IQCH: variants seen among roughly 807,000 people sequenced by gnomAD.
The protein encoded by IQCH is IQ motif containing H.
A neutral mutation model predicts 117.0 loss-of-function variants in IQCH; 98 were observed. The observed-to-expected ratio is 0.84, with a 90% CI of 0.71 to 0.99. The LOEUF is 0.99. IQCH is among the 50% of genes least tolerant of loss of function. The pLI, the probability that IQCH is intolerant of heterozygous loss-of-function variation, is 0.00. For synonymous variants in IQCH, 412 were observed against 448.2 expected (o/e 0.92, Z 1.02); for missense variants, 1,102 against 1,243.8 (o/e 0.89, Z 1.72).
At chr15:67,389,152 T>C in intron 12 of IQCH, 146 bp downstream of exon 12, 1 of 649,898 alleles carries the variant, frequency 1.5e-6, no homozygotes, top group East Asian at 2.7e-5. Context: ...AGTTGGTCTG[T>C]AGGAAATAAA....
At chr15:67,389,562 A>G (rs1971218084) in intron 12 of IQCH, among the ~76,000 whole-genome samples, 1 of 152,246 alleles carries the variant, frequency 6.6e-6, no homozygotes, top group Admixed American at 6.5e-5. Context: ...AACCATTGGG[A>G]AATTCATGGA....
intron 17 of IQCH, among the ~76,000 whole-genome samples, chr15:67,470,396 T>G (rs2083042895): frequency 6.6e-6 from 1 of 152,188 alleles, no homozygotes; most frequent in African/African-American, 2.4e-5. Flanking sequence ...ACCAGGATGG[T>G]CTCGATCTCC....
rs570011488 is a variant in IQCH at position 67,341,656 on chromosome 15, A to T, written c.509-2407A>T. Among the ~76,000 whole-genome samples the T allele has an allele frequency of 1.2e-4, 19 of 152,292 alleles. No homozygotes were observed. The East Asian group carries it at 2.7e-3, about 22-fold the overall frequency. ...AAAATGTTAAAGGATGATTTTTTTT[A>T]AAAGTAAAGTTATGACTCTTATATA... is the stretch of plus-strand genomic sequence containing the variant. On this transcript the variant is annotated intron_variant, in intron 5 of 20. Coordinates refer to ENST00000335894, the MANE Select transcript of IQCH (RefSeq NM_001031715.3).
At chr15:67,492,798 C>T (rs540614060) in intron 19 of IQCH, among the ~76,000 whole-genome samples, 23 of 152,186 alleles carry the variant, frequency 1.5e-4, no homozygotes, top group South Asian at 8.3e-4. Flanking sequence ...GGTGGGTACT[C>T]GGGCATAGAG....
intron 4 of IQCH, among the ~76,000 whole-genome samples, chr15:67,318,814 C>T (rs749475132): frequency 1.3e-5 from 2 of 152,240 alleles, no homozygotes; most frequent in South Asian, 2.1e-4. Context: ...ATGAATGGTG[C>T]CAAGTCACTT....
rs532880426 is a variant in IQCH, at chr15:67,416,969, C to T, written c.2136C>T (p.Gly712=). Residue 712 remains glycine, a synonymous_variant, in exon 15 of 21, where the codon GGC becomes GGT. Coordinates refer to ENST00000335894, the MANE Select transcript of IQCH (RefSeq NM_001031715.3). This position sits in a 1 kb window ranked among gnomAD's most constrained non-coding sequence, Gnocchi z 5.1. ...ALVKISEELA[G]ILAQHAQPVN... ...TGAAGATCTCTGAGGAGCTGGCGGG[C>T]ATTTTAGCACAGCACGCACAGCCAG... The T allele has an allele frequency of 2.6e-5, 41 of 1,605,608 alleles. No homozygotes were observed. In the South Asian group the frequency reaches 4.5e-4, roughly 18 times the overall value.
intron 16 of IQCH, among the ~76,000 whole-genome samples, chr15:67,446,907 C>T (rs895534927): frequency 2.0e-5 from 3 of 152,172 alleles, no homozygotes; most frequent in African/African-American, 7.2e-5. Flanking sequence ...ACAAGCCTTC[C>T]CTGGCTTCAC....
intron 17 of IQCH, among the ~76,000 whole-genome samples, chr15:67,471,172 T>C (rs1396451486): frequency 6.6e-6 from 1 of 152,220 alleles, no homozygotes; most frequent in African/African-American, 2.4e-5. Context: ...AATAACTTTG[T>C]GTATATATCA....
At chr15:67,434,785 C>CTTTTTTTTTT (rs775675138) in intron 16 of IQCH, among the ~76,000 whole-genome samples, 5 of 126,844 alleles carry the variant, frequency 3.9e-5, no homozygotes, top group Non-Finnish European at 6.5e-5. Flanking sequence ...CTTTTCTTTT[C>CTTTTTTTTTT]TTTTTTTTTT....
intron 4 of IQCH, among the ~76,000 whole-genome samples, chr15:67,280,521 T>A (rs1321969130): frequency 1.3e-5 from 2 of 152,232 alleles, no homozygotes; most frequent in African/African-American, 4.8e-5. Flanking sequence ...TTTCTTCACA[T>A]GGCAGAGAGA....
intron 8 of IQCH, among the ~76,000 whole-genome samples, chr15:67,361,376 G>A (rs939010554): frequency 9.9e-5 from 15 of 152,118 alleles, no homozygotes; most frequent in Admixed American, 3.3e-4. Flanking sequence ...TGTGCAATAG[G>A]CACTATTATC....
At position 67,384,254 on chromosome 15, in the gene IQCH, A is replaced by T. The variant is rs1317632742; in HGVS notation, c.1373-682A>T. ...TTAATGACCTGAAATATCAGCAGAAAGTATTTCCGCTGTTGTTTCTTTTGT... is the reference window on the plus strand; with the variant it reads ...TTAATGACCTGAAATATCAGCAGAATGTATTTCCGCTGTTGTTTCTTTTGT... On this transcript the variant is annotated intron_variant, in intron 10 of 20. Coordinates refer to ENST00000335894, the MANE Select transcript of IQCH (RefSeq NM_001031715.3). The surrounding 1 kb of genome is among the most constrained non-coding windows in gnomAD (Gnocchi z 4.3). Among the ~76,000 whole-genome samples, 3 of 152,152 alleles carry T rather than the reference A, an allele frequency of 2.0e-5. No individual in the cohort carries two copies. Among genetic ancestry groups the T allele is most frequent in the Non-Finnish European group, 2.9e-5 (2 of 68,020 alleles).
intron 6 of IQCH, among the ~76,000 whole-genome samples, chr15:67,349,816 G>A (rs1969574914): frequency 6.6e-6 from 1 of 152,084 alleles, no homozygotes; most frequent in African/African-American, 2.4e-5. Flanking sequence ...ATACATGAAA[G>A]CATGCTTAAC....
Position 67,327,872 on chromosome 15 carries a change from A to G in IQCH, c.388-9103A>G, listed in dbSNP as rs150033601. ...TTTGGAATCTCCTGTCCTTCTTGCA[A>G]TTTCCTCATTTCTATTATTTCCCCC... On this transcript the variant is annotated intron_variant, in intron 4 of 20. Coordinates refer to ENST00000335894, the MANE Select transcript of IQCH (RefSeq NM_001031715.3). Among the ~76,000 whole-genome samples, 1,338 of 151,978 alleles carry G rather than the reference A, an allele frequency of 8.8e-3. 17 individuals are homozygous for G. The highest frequency in any genetic ancestry group is 0.029 in the African/African-American group (1,211 of 41,460).
intron 16 of IQCH, among the ~76,000 whole-genome samples, chr15:67,441,396 C>T (rs1226706317): frequency 2.0e-5 from 3 of 152,048 alleles, no homozygotes; most frequent in African/African-American, 7.2e-5. Flanking sequence ...TTCTAAAATT[C>T]ATATGGAACC....
At chr15:67,257,094 G>A (rs1459758274) in intron 1 of IQCH, among the ~76,000 whole-genome samples, 1 of 152,168 alleles carries the variant, frequency 6.6e-6, no homozygotes, top group African/African-American at 2.4e-5. Flanking sequence ...ACTTGATAGG[G>A]AGTCAGAATA....
At chr15:67,392,577 G>A (rs6416480) in intron 12 of IQCH, among the ~76,000 whole-genome samples, 149,402 of 152,148 alleles carry the variant, frequency 0.98, 73,419 homozygotes, top group Non-Finnish European at 1. Flanking sequence ...AGGAGTTTGC[G>A]ACCAGCCTGG....
intron 8 of IQCH, 127 bp downstream of exon 8, chr15:67,360,012 T>A: frequency 1.5e-6 from 1 of 687,786 alleles, no homozygotes; most frequent in South Asian, 2.0e-5. Context: ...CGTGCTTCCT[T>A]TGTAAAAGAA....
chr15:67,421,626 G>A (rs375952581), intron 16 of IQCH, 49 bp downstream of exon 16: 216 of 1,574,736 alleles, frequency 1.4e-4, no homozygotes, highest in Non-Finnish European at 1.7e-4. Context: ...TAATGACTCC[G>A]CACCCTACAC....
Sources: allele counts gnomAD v4.1 joint callset (sites outside exome capture counted in the v4.1 genomes callset), GRCh38; gene constraint gnomAD v4.1.1; non-coding constraint Gnocchi (gnomAD v3.1); transcripts MANE v1.5; gene names NCBI Gene and HGNC (gene_info 2026-07-23, HGNC 2026-07-21).